SGCZ: variants seen among roughly 807,000 people sequenced by gnomAD.
SGCZ encodes sarcoglycan zeta.
Under a neutral mutation model 41.3 loss-of-function variants are expected in SGCZ, and 40 were observed. That is an observed-to-expected ratio of 0.97 (90% CI 0.75 to 1.26). SGCZ has a LOEUF of 1.26. SGCZ is among the 50% of genes most tolerant of loss of function. The pLI, the probability that SGCZ is intolerant of heterozygous loss-of-function variation, is 0.00. For synonymous variants in SGCZ, 206 were observed against 137.5 expected, an observed-to-expected ratio of 1.50 and a Z score of -3.49; for missense variants, 552 against 369.8, an observed-to-expected ratio of 1.49 and a Z score of -4.04.
intron 1 of SGCZ, among the ~76,000 whole-genome samples, chr8:14,977,904 C>T (rs200302058): frequency 9.5e-6 from 1 of 104,896 alleles, no homozygotes. Flanking sequence ...CACACACACA[C>T]ACACACATAT....
intron 2 of SGCZ, among the ~76,000 whole-genome samples, chr8:14,410,236 G>A (rs897975660): frequency 6.6e-6 from 1 of 152,002 alleles, no homozygotes; most frequent in Non-Finnish European, 1.5e-5. Context: ...CTTTCCTTCT[G>A]CCTGTGGAAA....
At chr8:14,399,141 G>A (rs1364651910) in intron 2 of SGCZ, among the ~76,000 whole-genome samples, 1 of 152,126 alleles carries the variant, frequency 6.6e-6, no homozygotes, top group Non-Finnish European at 1.5e-5. Context: ...TTGCTGAGCA[G>A]AAAGGCATTT....
chr8:14,941,827 A>G (rs1176892223), intron 1 of SGCZ, among the ~76,000 whole-genome samples: 1 of 151,450 alleles, frequency 6.6e-6, no homozygotes, highest in East Asian at 1.9e-4. Context: ...TGTTACATAT[A>G]TTGCATGTTA....
chr8:14,482,751 G>A lies in SGCZ; in HGVS notation c.234+71981C>T, dbSNP rs189093657. On this transcript the variant is annotated intron_variant, in intron 2 of 7. Coordinates refer to ENST00000382080, the MANE Select transcript of SGCZ (RefSeq NM_139167.4). ...AGGGCCCGAATAGAACAAAAAGGCA[G>A]AGGAAGGTAGAATGCTGTCTCTCTG... Among the ~76,000 whole-genome samples, 3 of 152,136 alleles carry A rather than the reference G, an allele frequency of 2.0e-5. No individual in the cohort carries two copies. The East Asian group carries it at 5.9e-4, about 30-fold the overall frequency.
chr8:14,595,305 G>T (rs982952854), intron 1 of SGCZ, among the ~76,000 whole-genome samples: 1 of 151,766 alleles, frequency 6.6e-6, no homozygotes, highest in Non-Finnish European at 1.5e-5. Flanking sequence ...TCAATGTCAA[G>T]ATGCACCCAC....
intron 1 of SGCZ, among the ~76,000 whole-genome samples, chr8:15,158,322 T>C (rs1220594196): frequency 6.6e-6 from 1 of 152,164 alleles, no homozygotes; most frequent in African/African-American, 2.4e-5. Context: ...ATTTTTCCTT[T>C]TTTGCTAGCT....
intron 1 of SGCZ, chr8:14,879,645 T>G (rs1200863496): frequency 6.6e-6 from 1 of 151,590 alleles, no homozygotes; most frequent in African/African-American, 2.4e-5. Flanking sequence ...TAGTAACAGT[T>G]CCTCGTTGTT....
chr8:14,557,128 T>A (rs995144137), intron 1 of SGCZ, among the ~76,000 whole-genome samples: 5 of 152,066 alleles, frequency 3.3e-5, no homozygotes, highest in Non-Finnish European at 4.4e-5. Flanking sequence ...TGGCCATTTT[T>A]GAGGTAGTAA....
At chr8:14,352,373 G>A (rs1803131864) in intron 2 of SGCZ, among the ~76,000 whole-genome samples, 1 of 151,996 alleles carries the variant, frequency 6.6e-6, no homozygotes, top group Non-Finnish European at 1.5e-5. Flanking sequence ...GAAAGGGCAA[G>A]AGCACACAAG....
At chr8:14,238,269 C>G (rs1450492157) in intron 3 of SGCZ, among the ~76,000 whole-genome samples, 2 of 152,132 alleles carry the variant, frequency 1.3e-5, no homozygotes, top group Admixed American at 1.3e-4. Flanking sequence ...GGGACAGGAA[C>G]CATGACAGCT....
At chr8:14,567,640 A>G (rs1256706958) in intron 1 of SGCZ, among the ~76,000 whole-genome samples, 2 of 152,132 alleles carry the variant, frequency 1.3e-5, no homozygotes, top group East Asian at 1.9e-4. Flanking sequence ...CCCCTTCCAC[A>G]GTGTGGAGGG....
At chr8:15,049,661 G>C (rs1180744284) in intron 1 of SGCZ, among the ~76,000 whole-genome samples, 2 of 152,084 alleles carry the variant, frequency 1.3e-5, no homozygotes, top group Non-Finnish European at 2.9e-5. Flanking sequence ...ATGACAGCAG[G>C]TTAAAGTGAG....
intron 1 of SGCZ, among the ~76,000 whole-genome samples, chr8:15,032,924 C>A (rs1021899547): frequency 6.6e-6 from 1 of 150,932 alleles, no homozygotes; most frequent in Non-Finnish European, 1.5e-5. Context: ...AGAATACAGA[C>A]CAGCCCAAAG....
intron 2 of SGCZ, among the ~76,000 whole-genome samples, chr8:14,362,329 T>G (rs190102020): frequency 6.6e-4 from 100 of 152,334 alleles, no homozygotes; most frequent in East Asian, 9.7e-4. Flanking sequence ...GTAGGGGCTC[T>G]GCCCAGTTCG....
At chr8:14,128,323 T>C (rs780413860) in intron 5 of SGCZ, among the ~76,000 whole-genome samples, 4 of 152,176 alleles carry the variant, frequency 2.6e-5, no homozygotes, top group Non-Finnish European at 5.9e-5. Flanking sequence ...TCACTGATTA[T>C]CAGAGAAATG....
chr8:15,195,278 T>C (rs145956923), intron 1 of SGCZ, among the ~76,000 whole-genome samples: 1 of 152,266 alleles, frequency 6.6e-6, no homozygotes, highest in African/African-American at 2.4e-5. Flanking sequence ...CCTGTCAGCA[T>C]CATTAATCTT....
At chr8:15,000,460 T>G (rs372987671) in intron 1 of SGCZ, among the ~76,000 whole-genome samples, 3 of 152,142 alleles carry the variant, frequency 2.0e-5, no homozygotes, top group Non-Finnish European at 4.4e-5. Flanking sequence ...TGAAAATTAT[T>G]GTCTAACAAG....
intron 1 of SGCZ, among the ~76,000 whole-genome samples, chr8:15,183,284 C>T (rs1426823649): frequency 6.6e-6 from 1 of 152,202 alleles, no homozygotes; most frequent in Non-Finnish European, 1.5e-5. Context: ...CTATGCTAGG[C>T]TGTCATACAG....
intron 1 of SGCZ, among the ~76,000 whole-genome samples, chr8:14,670,263 G>T (rs1406787017): frequency 6.6e-6 from 1 of 152,000 alleles, no homozygotes; most frequent in Non-Finnish European, 1.5e-5. Flanking sequence ...GATCCACTAT[G>T]GTTGGTGATA....
Sources: allele counts gnomAD v4.1 joint callset (sites outside exome capture counted in the v4.1 genomes callset), GRCh38; gene constraint gnomAD v4.1.1; transcripts MANE v1.5; gene names NCBI Gene and HGNC (gene_info 2026-07-23, HGNC 2026-07-21).